The following EIF2AK3 variants were observed in gnomAD, a reference collection of about 807,000 sequenced individuals.
EIF2AK3 encodes the protein eukaryotic translation initiation factor 2-alpha kinase 3.
Under a neutral mutation model 113.5 loss-of-function variants are expected in EIF2AK3, and 50 were observed. The observed-to-expected ratio is 0.44, with a 90% confidence interval of 0.35 to 0.56. EIF2AK3 has a LOEUF of 0.56. EIF2AK3 is among the 20% of genes least tolerant of loss of function. EIF2AK3 has a pLI of 0.00. For synonymous variants in EIF2AK3, 448 were observed against 495.4 expected (o/e 0.90, Z 1.27); for missense variants, 1,185 against 1,378.0 (o/e 0.86, Z 2.22).
intron 10 of EIF2AK3, 149 bp from the exon 11 acceptor site, chr2:88,579,789 C>G: frequency 1.5e-6 from 1 of 682,380 alleles, no homozygotes; most frequent in Non-Finnish European, 2.4e-6. Context: ...TGATTAACAG[C>G]ATTTTTAGTC....
intron 2 of EIF2AK3, among the ~76,000 whole-genome samples, chr2:88,612,366 AC>A (rs2104467697): frequency 6.6e-6 from 1 of 152,342 alleles, no homozygotes; most frequent in South Asian, 2.1e-4. Context: ...AAACATGCAT[AC>A]CCAAGCATAA....
chr2:88,590,676 C>A, intron 5 of EIF2AK3, 71 bp from the exon 6 acceptor site: 1 of 1,573,880 alleles, frequency 6.4e-7, no homozygotes, highest in East Asian at 2.3e-5. Context: ...CATAAAATAC[C>A]ATTTAAAATC....
At chr2:88,595,961 G>A (rs895209333) in intron 2 of EIF2AK3, 4 of 435,304 alleles carry the variant, frequency 9.2e-6, no homozygotes, top group African/African-American at 8.0e-5. Flanking sequence ...AATGGTAGGT[G>A]AGTTACCAAA....
At position 88,613,714 on chromosome 2, in the gene EIF2AK3, A is replaced by G. The variant is rs926465110; in HGVS notation, c.438+10T>C. 5.6e-6 allele frequency: 9 copies of G among 1,614,048 alleles called. No individual in the cohort carries two copies. The highest frequency in any genetic ancestry group is 7.6e-6 in the Non-Finnish European group (9 of 1,179,936). On this transcript the variant is annotated intron_variant, in intron 2 of 16. Coordinates refer to ENST00000303236, the MANE Select transcript of EIF2AK3 (RefSeq NM_004836.7). ...AGTTTTCTAGTCAACAGTTAACAGA[A>G]AATTCTTACCTCTGGTTTGCTAAGG...
chr2:88,581,040 A>G (rs967666013), intron 10 of EIF2AK3, among the ~76,000 whole-genome samples: 2 of 152,160 alleles, frequency 1.3e-5, no homozygotes, highest in Non-Finnish European at 2.9e-5. Flanking sequence ...GTAACATCTT[A>G]TATGTGATTA....
At chr2:88,602,788 C>T (rs533269374) in intron 2 of EIF2AK3, among the ~76,000 whole-genome samples, 1 of 151,616 alleles carries the variant, frequency 6.6e-6, no homozygotes, top group Non-Finnish European at 1.5e-5. Flanking sequence ...ACAACACATA[C>T]TGGGGCCTGA....
intron 14 of EIF2AK3, among the ~76,000 whole-genome samples, chr2:88,570,550 AAC>A (rs1216166416): frequency 6.6e-6 from 1 of 152,208 alleles, no homozygotes; most frequent in Non-Finnish European, 1.5e-5. Flanking sequence ...AAACAGTTCC[AAC>A]ACAGTCTACA....
At chr2:88,601,252 CCA>C (rs1225937581) in intron 2 of EIF2AK3, among the ~76,000 whole-genome samples, 7 of 152,326 alleles carry the variant, frequency 4.6e-5, no homozygotes, top group Admixed American at 3.9e-4. Context: ...ATAGAATGTC[CCA>C]CAGTCAGGAT....
intron 15 of EIF2AK3, among the ~76,000 whole-genome samples, chr2:88,560,189 T>C (rs1437776423): frequency 6.6e-6 from 1 of 152,206 alleles, no homozygotes; most frequent in Non-Finnish European, 1.5e-5. Flanking sequence ...GTGGTTTTGA[T>C]TTGCATTTCC....
upstream of EIF2AK3, chr2:88,627,588 C>T (rs1195580930): frequency 6.2e-6 from 2 of 323,432 alleles, no homozygotes; most frequent in East Asian, 5.2e-5. Context: ...TGGTGGTCAA[C>T]ATCGCACCTA....
intron 10 of EIF2AK3, among the ~76,000 whole-genome samples, chr2:88,580,381 T>C (rs1674569052): frequency 1.3e-5 from 2 of 152,248 alleles, no homozygotes; most frequent in Non-Finnish European, 2.9e-5. Context: ...ATGAACCCTA[T>C]TCTTCTTTCA....
At chr2:88,596,511 C>T (rs1381918204) in intron 2 of EIF2AK3, among the ~76,000 whole-genome samples, 1 of 151,982 alleles carries the variant, frequency 6.6e-6, no homozygotes, top group Non-Finnish European at 1.5e-5. Flanking sequence ...ATGGTAAATA[C>T]GCATGGGGTG....
chr2:88,619,178 G>A (rs1160980055), intron 1 of EIF2AK3, among the ~76,000 whole-genome samples: 1 of 151,942 alleles, frequency 6.6e-6, no homozygotes, highest in African/African-American at 2.4e-5. Context: ...TTTAGTAGAG[G>A]TGGGGGTTCA....
At chr2:88,559,642 G>A (rs1249502590) in intron 15 of EIF2AK3, among the ~76,000 whole-genome samples, 1 of 151,932 alleles carries the variant, frequency 6.6e-6, no homozygotes, top group East Asian at 1.9e-4. Flanking sequence ...AAAGCACAAA[G>A]AAAATATTGG....
intron 2 of EIF2AK3, among the ~76,000 whole-genome samples, chr2:88,606,316 A>C: frequency 7.1e-6 from 1 of 140,888 alleles, no homozygotes; most frequent in Admixed American, 6.7e-5. Flanking sequence ...AATAAAATAA[A>C]AAATAAAAAA....
Position 88,606,696 on chromosome 2 carries a change from ACT to A in EIF2AK3, c.438+7026_438+7027del, listed in dbSNP as rs139261067. Among the ~76,000 whole-genome samples the A allele has an allele frequency of 9.9e-5, 15 of 152,246 alleles. No individual in the cohort carries two copies. In the East Asian group the frequency reaches 2.9e-3, roughly 29 times the overall value. ...AATACTTAAAAGGGTCTACTAATAG[ACT>A]CTTTCTAAACAAATCAGTAACCAGT... On this transcript the variant is annotated intron_variant, in intron 2 of 16. Transcript: ENST00000303236.
In EIF2AK3 at chr2:88,583,466, C is replaced by T; in HGVS notation, c.1727G>A (p.Ser576Asn). 6.2e-7 allele frequency: 1 copy of T among 1,613,134 alleles called. No homozygotes were observed. Among genetic ancestry groups the T allele is most frequent in the Non-Finnish European group, 8.5e-7 (1 of 1,179,598 alleles). The change falls in exon 10 of 17, where the codon AGC becomes AAC. Residue 576 changes from serine (S) to asparagine (N), a missense_variant. By Grantham distance (46) the Ser-to-Asn change is conservative. Transcript: ENST00000303236. Reference sequence around the variant, plus strand: ...TCCAGAGTTTTTTATGTCATTCCAGCTACTGTCATTGGCTTCACCACTTAC... The same window carrying T: ...TCCAGAGTTTTTTATGTCATTCCAGTTACTGTCATTGGCTTCACCACTTAC... ...DSVSGEANDS[S>N]WNDIKNSGYI...
chr2:88,592,968 C>A lies in EIF2AK3; in HGVS notation c.767+304G>T, dbSNP rs1396595896. Among the ~76,000 whole-genome samples the A allele has an allele frequency of 3.3e-5, 5 of 151,994 alleles. No homozygotes were observed. In the East Asian group the frequency reaches 9.7e-4, roughly 29 times the overall value. ...ACCAGCCTGGCCAACATGGTGAAACCCCGTCTCTACTAAAAATACAAAAAT... is the reference window on the plus strand; with the variant it reads ...ACCAGCCTGGCCAACATGGTGAAACACCGTCTCTACTAAAAATACAAAAAT... On this transcript the variant is annotated intron_variant, in intron 4 of 16. Transcript: ENST00000303236.
At position 88,558,908 on chromosome 2, in the gene EIF2AK3, TACAC is replaced by T. The variant is rs1230573829; in HGVS notation, c.3150+5_3150+8del. The T allele has an allele frequency of 6.3e-7, 1 of 1,581,090 alleles. No homozygotes were observed. Among genetic ancestry groups the T allele is most frequent in the African/African-American group, 1.3e-5 (1 of 74,252 alleles). Reference sequence around the variant, plus strand: ...TCTAAAGAAGATAAAAGATGAGAATTACACATACCTCACAAGGATATTTCTGAGT... The same window carrying T: ...TCTAAAGAAGATAAAAGATGAGAATTATACCTCACAAGGATATTTCTGAGT... On this transcript the variant is annotated splice_donor_5th_base_variant and intron_variant, in intron 16 of 16. Coordinates refer to ENST00000303236, the MANE Select transcript of EIF2AK3 (RefSeq NM_004836.7).
Sources: gnomAD v4.1 joint callset for allele counts (sites outside exome capture counted in the v4.1 genomes callset) on GRCh38, gnomAD v4.1.1 for gene constraint, MANE v1.5 for transcripts, NCBI Gene and HGNC (gene_info 2026-07-23, HGNC 2026-07-21) for gene names.